The following SDCCAG8 variants were observed in gnomAD, a reference collection of about 807,000 sequenced individuals.
The protein encoded by SDCCAG8 is SHH signaling and ciliogenesis regulator SDCCAG8, also known as serologically defined colon cancer antigen 8.
Under a neutral mutation model 101.8 loss-of-function variants are expected in SDCCAG8, and 74 were observed. The observed-to-expected ratio is 0.73, with a 90% CI of 0.60 to 0.88. The LOEUF is 0.88. Ranked by LOEUF, SDCCAG8 falls within the 40% of genes least tolerant of loss-of-function variation. The probability of loss-of-function intolerance (pLI) is 0.00; values close to 1 mark genes in which losing one functional copy is unlikely to be tolerated. For synonymous variants in SDCCAG8, 281 were observed against 292.9 expected (o/e 0.96, Z 0.41); for missense variants, 787 against 822.6 (o/e 0.96, Z 0.53).
intron 12 of SDCCAG8, among the ~76,000 whole-genome samples, chr1:243,369,679 G>A (rs948217711): frequency 6.6e-6 from 1 of 152,020 alleles, no homozygotes; most frequent in Admixed American, 6.6e-5. Flanking sequence ...ATACAACCTG[G>A]GCAAGAGACA....
intron 4 of SDCCAG8, among the ~76,000 whole-genome samples, chr1:243,276,211 GA>G (rs2068560900): frequency 6.6e-6 from 1 of 152,146 alleles, no homozygotes; most frequent in Non-Finnish European, 1.5e-5. Context: ...GAAGGGAGAT[GA>G]GTTTCATAAA....
intron 11 of SDCCAG8, among the ~76,000 whole-genome samples, chr1:243,343,334 T>G (rs577048260): frequency 6.6e-6 from 1 of 152,350 alleles, no homozygotes; most frequent in Non-Finnish European, 1.5e-5. Context: ...AATTGAACTT[T>G]CTATAGGTTC....
At chr1:243,480,791 G>GGGATGGATGGAT (rs768014106) in intron 16 of SDCCAG8, among the ~76,000 whole-genome samples, 1 of 59,224 alleles carries the variant, frequency 1.7e-5, no homozygotes. Context: ...ATGGATGGGT[G>GGGATGGATGGAT]GGATGGATGG....
At chr1:243,280,717 AT>A (rs1317124632) in intron 4 of SDCCAG8, among the ~76,000 whole-genome samples, 2 of 152,230 alleles carry the variant, frequency 1.3e-5, no homozygotes, top group Admixed American at 6.5e-5. Context: ...ATCATCAAGT[AT>A]TTGGGGAGTT....
intron 13 of SDCCAG8, among the ~76,000 whole-genome samples, chr1:243,407,454 A>T (rs1286295427): frequency 6.6e-6 from 1 of 152,228 alleles, no homozygotes; most frequent in East Asian, 1.9e-4. Flanking sequence ...AAGTACAGAC[A>T]TGCAAAGGGT....
rs1553374845 is a variant in SDCCAG8, at chr1:243,477,016, A to ACGCG, written c.1986-11997_1986-11996insGCGC. Among the ~76,000 whole-genome samples, 198 of 88,892 alleles carry ACGCG rather than the reference A, an allele frequency of 2.2e-3. 1 individual carries two copies. Among genetic ancestry groups the ACGCG allele is most frequent in the Non-Finnish European group, 3.5e-3 (140 of 39,512 alleles). 58.3% of individuals were successfully genotyped at this position (88,892 alleles called of 152,430 possible). A position where few individuals can be genotyped will look rare whatever the true frequency, so the allele number is the denominator to read the frequency against. On this transcript the variant is annotated intron_variant, in intron 16 of 17. Coordinates refer to ENST00000366541, the MANE Select transcript of SDCCAG8 (RefSeq NM_006642.5). ...TGGTTCTGTACACACACACACACACACACACACACACACACACAGAGAGAA... is the reference window on the plus strand; with the variant it reads ...TGGTTCTGTACACACACACACACACACGCGCACACACACACACACACAGAGAGAA...
chr1:243,487,272 C>G (rs556957653), intron 16 of SDCCAG8, among the ~76,000 whole-genome samples: 5 of 152,220 alleles, frequency 3.3e-5, no homozygotes, highest in South Asian at 4.1e-4. Context: ...CCCGGGCCCC[C>G]CCCTGGGGCC....
At position 243,433,428 on chromosome 1, in the gene SDCCAG8, G is replaced by A. The variant is rs909213284; in HGVS notation, c.1985+6870G>A. On this transcript the variant is annotated intron_variant, in intron 16 of 17. Transcript: ENST00000366541. ...TGCAGACTTCCTTTCTGTTTGGGCT[G>A]GCCTAAGTATTGCAATCCTGCAGTG... 7.2e-5 allele frequency among the ~76,000 whole-genome samples: 11 copies of A among 151,902 alleles called. No homozygotes were observed. The East Asian group carries it at 2.1e-3, about 29-fold the overall frequency.
At chr1:243,265,453 T>C (rs1465286229) in intron 1 of SDCCAG8, among the ~76,000 whole-genome samples, 1 of 152,248 alleles carries the variant, frequency 6.6e-6, no homozygotes, top group African/African-American at 2.4e-5. Flanking sequence ...ACATGTAGTC[T>C]TTGAATGTTA....
intron 4 of SDCCAG8, among the ~76,000 whole-genome samples, chr1:243,278,941 C>G (rs1321276524): frequency 6.6e-6 from 1 of 151,952 alleles, no homozygotes. Flanking sequence ...CACCACCATG[C>G]TTGGCTATTT....
intron 13 of SDCCAG8, among the ~76,000 whole-genome samples, chr1:243,407,636 A>G (rs1347966078): frequency 6.6e-6 from 1 of 152,100 alleles, no homozygotes; most frequent in Admixed American, 6.5e-5. Context: ...TTGGAGGGAA[A>G]ATTATTTTTA....
At position 243,466,368 on chromosome 1, in the gene SDCCAG8, T is replaced by C. The variant is rs1286597437; in HGVS notation, c.1986-22646T>C. On this transcript the variant is annotated intron_variant, in intron 16 of 17. Transcript: ENST00000366541. ...CCCATGGCTGGTAGGCTGGGCCTCA[T>C]ACCCTTTCCTACTTAATGCCTCTGA... Among the ~76,000 whole-genome samples the C allele has an allele frequency of 2.0e-5, 3 of 152,226 alleles. No individual in the cohort carries two copies. In the South Asian group the frequency reaches 6.2e-4, roughly 32 times the overall value.
At chr1:243,269,026 C>T (rs538264462) in intron 1 of SDCCAG8, 4 of 152,924 alleles carry the variant, frequency 2.6e-5, no homozygotes, top group African/African-American at 9.6e-5. Context: ...GGGCTTTTCT[C>T]TTTCTTCATG....
At position 243,488,995 on chromosome 1, in the gene SDCCAG8, G is replaced by A; in HGVS notation, c.1986-19G>A. 1 of 1,613,252 alleles carries A rather than the reference G, an allele frequency of 6.2e-7. No homozygotes were observed. The stretch of plus-strand genomic sequence containing the variant: ...GCTGACGTTATCCCTCTTTAATTCT[G>A]CGGTGGATTTTTCTCCAGGCTAAGG... On this transcript the variant is annotated intron_variant, in intron 16 of 17. Transcript: ENST00000366541.
At chr1:243,462,431 A>T (rs1659310248) in intron 16 of SDCCAG8, among the ~76,000 whole-genome samples, 1 of 152,272 alleles carries the variant, frequency 6.6e-6, no homozygotes, top group Non-Finnish European at 1.5e-5. Context: ...GAAGGTAAGG[A>T]CAGTAACCAG....
intron 16 of SDCCAG8, among the ~76,000 whole-genome samples, chr1:243,473,323 TTCTC>T (rs1661614426): frequency 1.3e-5 from 2 of 152,192 alleles, no homozygotes; most frequent in Non-Finnish European, 2.9e-5. Flanking sequence ...TCAACATATT[TTCTC>T]TCTCTTTCCC....
At chr1:243,322,145 A>G (rs139681469) in intron 9 of SDCCAG8, among the ~76,000 whole-genome samples, 1 of 152,356 alleles carries the variant, frequency 6.6e-6, no homozygotes, top group Non-Finnish European at 1.5e-5. Context: ...TTGCTTCCCT[A>G]TGCACATAGA....
At chr1:243,299,715 T>TGAATTA in intron 6 of SDCCAG8, among the ~76,000 whole-genome samples, 1 of 152,046 alleles carries the variant, frequency 6.6e-6, no homozygotes, top group East Asian at 1.9e-4. Context: ...TGCCTGGCCA[T>TGAATTA]ATTTGCTTTT....
At chr1:243,443,813 T>G (rs192574551) in intron 16 of SDCCAG8, among the ~76,000 whole-genome samples, 2 of 152,244 alleles carry the variant, frequency 1.3e-5, no homozygotes, top group East Asian at 3.9e-4. Flanking sequence ...CATGCTCTCC[T>G]CCCCTCCTGT....
Sources: allele counts gnomAD v4.1 joint callset (sites outside exome capture counted in the v4.1 genomes callset), GRCh38; gene constraint gnomAD v4.1.1; transcripts MANE v1.5; gene names NCBI Gene and HGNC (gene_info 2026-07-23, HGNC 2026-07-21).